PCSK9: variants seen among roughly 807,000 people sequenced by gnomAD.
The protein encoded by PCSK9 is proprotein convertase subtilisin/kexin type 9.
A neutral mutation model predicts 62.1 loss-of-function variants in PCSK9; 57 were observed. The ratio of observed to expected loss-of-function variants is 0.92; its 90% CI spans 0.74 to 1.14. The LOEUF is 1.14. Ranked by LOEUF, PCSK9 falls within the 50% of genes most tolerant of loss-of-function variation. The pLI, the probability that PCSK9 is intolerant of heterozygous loss-of-function variation, is 0.00. For missense variants in PCSK9, 870 were observed against 959.8 expected (o/e 0.91, Z 1.24); for synonymous variants, 387 against 409.4 (o/e 0.95, Z 0.66).
chr1:55,045,711 T>A (rs2100273161), intron 2 of PCSK9, among the ~76,000 whole-genome samples: 1 of 151,570 alleles, frequency 6.6e-6, no homozygotes, highest in African/African-American at 2.4e-5. Flanking sequence ...TTTTTTTTTT[T>A]TTTGAGACTC....
At position 55,059,606 on chromosome 1, in the gene PCSK9, G is replaced by A; in HGVS notation, c.1624G>A (p.Ala542Thr). ...CTGCAGCGTCCACACAGCTCCACCA[G>A]CTGAGGCCAGCATGGGGACCCGTGT... Reference protein sequence around the residue: ...ANCSVHTAPPAEASMGTRVHC... With the variant: ...ANCSVHTAPPTEASMGTRVHC... Residue 542 changes from alanine (A) to threonine (T), a missense_variant, in exon 10 of 12, where the codon GCT (alanine) becomes ACT (threonine). Coordinates refer to ENST00000302118, the MANE Select transcript of PCSK9 (RefSeq NM_174936.4). 1 of 1,552,690 alleles carries A rather than the reference G, an allele frequency of 6.4e-7. No individual in the cohort carries two copies. The highest frequency in any genetic ancestry group is 8.7e-7 in the Non-Finnish European group (1 of 1,147,562).
At chr1:55,057,206 G>A in intron 6 of PCSK9, 125 bp from the exon 7 acceptor site, 1 of 1,226,840 alleles carries the variant, frequency 8.2e-7, no homozygotes, top group Non-Finnish European at 1.2e-6. Flanking sequence ...CTTAGGAGGG[G>A]ACATTTGAGT....
chr1:55,046,583 A>G lies in PCSK9; in HGVS notation c.460A>G (p.Ile154Val), dbSNP rs1314816727. Reference sequence around the variant, plus strand: ...GGACTCCTCTGTCTTTGCCCAGAGCATCCCGTGGAACCTGGAGCGGATTAC... The same window carrying G: ...GGACTCCTCTGTCTTTGCCCAGAGCGTCCCGTGGAACCTGGAGCGGATTAC... ...EEDSSVFAQS[I>V]PWNLERITPP... Residue 154 changes from isoleucine (I) to valine (V), a missense_variant, in exon 3 of 12, where the codon ATC (isoleucine) becomes GTC (valine). Coordinates refer to ENST00000302118, the MANE Select transcript of PCSK9 (RefSeq NM_174936.4). 6.2e-7 allele frequency: 1 copy of G among 1,614,166 alleles called. No individual in the cohort carries two copies. The highest frequency in any genetic ancestry group is 1.7e-5 in the Admixed American group (1 of 60,020).
intron 3 of PCSK9, among the ~76,000 whole-genome samples, chr1:55,048,057 A>AC (rs1644646777): frequency 6.6e-6 from 1 of 151,594 alleles, no homozygotes; most frequent in African/African-American, 2.4e-5. Context: ...ACAAATTACC[A>AC]CCCCCTCGGT....
intron 5 of PCSK9, among the ~76,000 whole-genome samples, chr1:55,053,986 C>T (rs777468285): frequency 1.3e-5 from 2 of 152,204 alleles, no homozygotes; most frequent in Admixed American, 1.3e-4. Flanking sequence ...AGGGGCTCAA[C>T]AGTCACTATT....
At chr1:55,052,625 T>C (rs1359663840) in intron 4 of PCSK9, 25 bp from the exon 5 acceptor site, 4 of 1,611,974 alleles carry the variant, frequency 2.5e-6, no homozygotes, top group Admixed American at 3.3e-5. Flanking sequence ...GTCTTTCTCA[T>C]GTGGTCCTTG....
chr1:55,042,878 A>T (rs1026706712), intron 1 of PCSK9, among the ~76,000 whole-genome samples: 1 of 152,172 alleles, frequency 6.6e-6, no homozygotes, highest in Non-Finnish European at 1.5e-5. Context: ...CCCCTGTGAA[A>T]GGCTTGGTGC....
intron 3 of PCSK9, among the ~76,000 whole-genome samples, chr1:55,048,496 C>T (rs920926982): frequency 1.3e-5 from 2 of 152,328 alleles, no homozygotes; most frequent in Admixed American, 6.5e-5. Context: ...CCCCCCTTCC[C>T]GCTTCCCCCG....
Position 55,052,701 on chromosome 1 carries a change from CG to C in PCSK9, c.712del (p.Asp238MetfsTer29). 6.2e-7 allele frequency: 1 copy of C among 1,613,120 alleles called. No individual in the cohort carries two copies. The highest frequency in any genetic ancestry group is 8.5e-7 in the Non-Finnish European group (1 of 1,179,940). ...GTHLAGVVSG[R>X]DAGVAKGASM... ...CCACCTGGCAGGGGTGGTCAGCGGC[CG>C]GGATGCCGGCGTGGCCAAGGGTGCC... is the stretch of plus-strand genomic sequence containing the variant. On this transcript the variant is annotated frameshift_variant, in exon 5 of 12. Transcript: ENST00000302118. LOFTEE classifies it high-confidence loss of function.
At chr1:55,052,590 T>C (rs1644683297) in intron 4 of PCSK9, 60 bp from the exon 5 acceptor site, 2 of 1,607,054 alleles carry the variant, frequency 1.2e-6, no homozygotes, top group African/African-American at 1.3e-5. Context: ...AGCCACCTGC[T>C]GATTTGTTAT....
Position 55,040,021 on chromosome 1 carries a change from G to C in PCSK9, c.184G>C (p.Ala62Pro), listed in dbSNP as rs373512612. 1 of 1,573,932 alleles carries C rather than the reference G, an allele frequency of 6.4e-7. No individual in the cohort carries two copies. The highest frequency in any genetic ancestry group is 1.3e-5 in the African/African-American group (1 of 74,206). ...LAEAPEHGTT[A>P]TFHRCAKDPW... ...CGAAGCACCCGAGCACGGAACCACA[G>C]CCACCTTCCACCGCTGCGCCAAGGT... Residue 62 changes from alanine to proline, a missense_variant, in exon 1 of 12, where the codon GCC becomes CCC. Coordinates refer to ENST00000302118, the MANE Select transcript of PCSK9 (RefSeq NM_174936.4). This position sits in a 1 kb window ranked among gnomAD's most constrained non-coding sequence, Gnocchi z 4.1.
intron 11 of PCSK9, among the ~76,000 whole-genome samples, 162 bp downstream of exon 11, chr1:55,061,718 A>G (rs1044356232): frequency 6.6e-6 from 1 of 152,154 alleles, no homozygotes; most frequent in Non-Finnish European, 1.5e-5. Flanking sequence ...CAGCATGTAT[A>G]TGTGTCTCTG....
Position 55,052,650 on chromosome 1 carries a change from GC to G in PCSK9, c.660del (p.Ser221AlafsTer46). Reference sequence around the variant, plus strand: ...TGTGGTCCTTGTGTTCGTCGAGCAGGCCAGCAAGTGTGACAGTCATGGCACC... The same window carrying G: ...TGTGGTCCTTGTGTTCGTCGAGCAGGCAGCAAGTGTGACAGTCATGGCACC... ...EEDGTRFHRQ[A>X]SKCDSHGTHL... On this transcript the variant is annotated frameshift_variant and splice_region_variant, in exon 5 of 12. Transcript: ENST00000302118. LOFTEE classifies it high-confidence loss of function. 6.2e-7 allele frequency: 1 copy of G among 1,613,048 alleles called. No individual in the cohort carries two copies. Among genetic ancestry groups the G allele is most frequent in the Non-Finnish European group, 8.5e-7 (1 of 1,179,750 alleles).
intron 10 of PCSK9, 141 bp from the exon 11 acceptor site, chr1:55,061,234 G>A (rs1644756394): frequency 1.0e-6 from 1 of 953,720 alleles, no homozygotes; most frequent in Admixed American, 2.8e-5. Context: ...GCTCAGGCCA[G>A]CATCTCTTTT....
chr1:55,044,056 T>G, intron 2 of PCSK9, 22 bp downstream of exon 2: 1 of 1,613,412 alleles, frequency 6.2e-7, no homozygotes, highest in South Asian at 1.1e-5. Flanking sequence ...TTTTTGGGAA[T>G]GGCACTTCCT....
At chr1:55,051,399 C>T (rs1644671882) in intron 3 of PCSK9, 1 of 334,960 alleles carries the variant, frequency 3.0e-6, no homozygotes, top group African/African-American at 2.2e-5. Flanking sequence ...AGCAACCTGC[C>T]TGAAGTCTTC....
rs1368498885 is a variant in PCSK9 at position 55,058,653 on chromosome 1, T to C, written c.1503+6T>C. 1.9e-6 allele frequency: 3 copies of C among 1,606,168 alleles called. No individual in the cohort carries two copies. The highest frequency in any genetic ancestry group is 8.5e-7 in the Non-Finnish European group (1 of 1,177,874). On this transcript the variant is annotated splice_donor_region_variant and intron_variant, in intron 9 of 11. Coordinates refer to ENST00000302118, the MANE Select transcript of PCSK9 (RefSeq NM_174936.4). ...GGCGGGGCGAGCGCATGGAGGTGACTGTACCCCTCCTTCGTGTGTGTGTGT... is the reference window on the plus strand; with the variant it reads ...GGCGGGGCGAGCGCATGGAGGTGACCGTACCCCTCCTTCGTGTGTGTGTGT...
At chr1:55,052,570 TCATC>T (rs1305238285) in intron 4 of PCSK9, 76 bp from the exon 5 acceptor site, 9 of 1,604,826 alleles carry the variant, frequency 5.6e-6, no homozygotes, top group African/African-American at 1.3e-5. Flanking sequence ...GGAAGGGCGT[TCATC>T]CATCCAGCCA....
At chr1:55,054,370 G>A (rs572890454) in intron 5 of PCSK9, among the ~76,000 whole-genome samples, 2 of 152,260 alleles carry the variant, frequency 1.3e-5, no homozygotes, top group East Asian at 1.9e-4. Flanking sequence ...GTGATAGAGC[G>A]AGATTCCATC....
Sources: gnomAD v4.1 joint callset for allele counts (sites outside exome capture counted in the v4.1 genomes callset) on GRCh38, gnomAD v4.1.1 for gene constraint, Gnocchi (gnomAD v3.1) non-coding constraint, MANE v1.5 for transcripts, NCBI Gene and HGNC (gene_info 2026-07-23, HGNC 2026-07-21) for gene names.